DAB1: variants seen among roughly 807,000 people sequenced by gnomAD.
DAB1 encodes the protein DAB adaptor protein 1.
DAB1 carries 15 observed loss-of-function variants against 64.6 expected under a neutral mutation model. The observed-to-expected ratio is 0.23, with a 90% CI of 0.16 to 0.36. DAB1 has a LOEUF of 0.36. Among genes scored for constraint, DAB1 ranks in the 10% least tolerant of loss-of-function variants. The probability of loss-of-function intolerance (pLI) is 1.00; values close to 1 mark genes in which losing one functional copy is unlikely to be tolerated. For synonymous variants in DAB1, 235 were observed against 251.9 expected, an observed-to-expected ratio of 0.93 and a Z score of 0.64; for missense variants, 596 against 706.7, an observed-to-expected ratio of 0.84 and a Z score of 1.78.
At chr1:57,159,856 C>CAAAAAAAAAAAAAA (rs398049302) in intron 2 of DAB1, among the ~76,000 whole-genome samples, 61 of 86,336 alleles carry the variant, frequency 7.1e-4, no homozygotes, top group African/African-American at 2.0e-3. Flanking sequence ...AGCAGCAAGA[C>CAAAAAAAAAAAAAA]AAAAAAAAAA....
chr1:57,303,621 G>A (rs1673861981), intron 1 of DAB1, among the ~76,000 whole-genome samples: 1 of 152,124 alleles, frequency 6.6e-6, no homozygotes, highest in South Asian at 2.1e-4. Context: ...GAAGTTGTGA[G>A]TTAGCAGAAG....
intron 6 of DAB1, among the ~76,000 whole-genome samples, chr1:57,782,527 A>T (rs1314657134): frequency 6.6e-6 from 1 of 152,194 alleles, no homozygotes; most frequent in Non-Finnish European, 1.5e-5. Context: ...TTATGTTATC[A>T]TCTATGCCAA....
chr1:57,801,640 C>T (rs996561136), intron 6 of DAB1, among the ~76,000 whole-genome samples: 4 of 151,976 alleles, frequency 2.6e-5, no homozygotes, highest in African/African-American at 9.7e-5. Context: ...GCATGGGGAG[C>T]CCAGGGAATT....
intron 7 of DAB1, among the ~76,000 whole-genome samples, chr1:57,634,171 A>T (rs968336190): frequency 1.3e-5 from 2 of 152,218 alleles, no homozygotes; most frequent in Non-Finnish European, 2.9e-5. Context: ...GACCTTGAAG[A>T]GTTAACATCT....
chr1:57,648,341 T>C (rs533776433), intron 7 of DAB1, among the ~76,000 whole-genome samples: 2 of 152,280 alleles, frequency 1.3e-5, no homozygotes, highest in South Asian at 2.1e-4. Context: ...CTCATTGAAC[T>C]CTATTCATTA....
rs1343647736 is a variant in DAB1, at chr1:58,378,167, T to A, written n.258-34764A>T. Reference sequence around the variant, plus strand: ...AGAGTAATTTGATCGTCTGAAGCCTTCTTCTCTCAGCTTGTCAAAATCATT... The same window carrying A: ...AGAGTAATTTGATCGTCTGAAGCCTACTTCTCTCAGCTTGTCAAAATCATT... On this transcript the variant is annotated intron_variant and non_coding_transcript_variant, in intron 3 of 20. Transcript: ENST00000485760. Among the ~76,000 whole-genome samples, 152 of 122,682 alleles carry A rather than the reference T, an allele frequency of 1.2e-3. 22 individuals are homozygous for A. The highest frequency in any genetic ancestry group is 4.9e-3 in the African/African-American group (149 of 30,392). The allele number at this position is 122,682 out of a possible 152,430, so 80.5% of individuals were successfully genotyped here. A position where few individuals can be genotyped will look rare whatever the true frequency, so the allele number is the denominator to read the frequency against.
intron 5 of DAB1, among the ~76,000 whole-genome samples, chr1:58,101,680 C>T (rs76908886): frequency 1.3e-5 from 2 of 152,308 alleles, no homozygotes; most frequent in Non-Finnish European, 2.9e-5. Flanking sequence ...GACTTAGGGC[C>T]AGTCACTTTT....
intron 7 of DAB1, among the ~76,000 whole-genome samples, chr1:57,560,458 C>T (rs1645037390): frequency 6.6e-6 from 1 of 152,170 alleles, no homozygotes; most frequent in African/African-American, 2.4e-5. Context: ...TGGTGTGGGG[C>T]CTGTTGAGAT....
intron 3 of DAB1, among the ~76,000 whole-genome samples, chr1:58,358,821 CTCTT>C (rs751282548): frequency 2.0e-4 from 31 of 152,176 alleles, no homozygotes; most frequent in Non-Finnish European, 3.5e-4. Context: ...TTTCTTCTCT[CTCTT>C]TCTGTCTTTC....
intron 2 of DAB1, among the ~76,000 whole-genome samples, chr1:57,194,063 A>G (rs867904817): frequency 1.3e-5 from 2 of 152,338 alleles, no homozygotes; most frequent in Middle Eastern, 6.8e-3. Flanking sequence ...CTAGCTCAAT[A>G]TCTGGGAACA....
chr1:57,561,884 C>T (rs1316575209), intron 7 of DAB1, among the ~76,000 whole-genome samples: 2 of 152,316 alleles, frequency 1.3e-5, no homozygotes, highest in African/African-American at 4.8e-5. Flanking sequence ...TTGATTATAT[C>T]AGACCTCTTC....
intron 4 of DAB1, among the ~76,000 whole-genome samples, chr1:57,128,150 T>C (rs1392549990): frequency 2.7e-5 from 3 of 112,832 alleles, no homozygotes; most frequent in South Asian, 3.0e-4. Flanking sequence ...TCTCAAAAAA[T>C]AAAAATAAAT....
At chr1:57,805,762 A>C (rs1651332320) in intron 6 of DAB1, among the ~76,000 whole-genome samples, 1 of 152,092 alleles carries the variant, frequency 6.6e-6, no homozygotes, top group Non-Finnish European at 1.5e-5. Context: ...TGGCAACTCC[A>C]CCTTTCCATT....
At chr1:57,098,619 T>C (rs540526168) in intron 4 of DAB1, among the ~76,000 whole-genome samples, 19 of 152,340 alleles carry the variant, frequency 1.2e-4, no homozygotes, top group African/African-American at 4.6e-4. Context: ...CTCTGATTTA[T>C]CATGCATACA....
intron 1 of DAB1, among the ~76,000 whole-genome samples, chr1:57,870,124 G>A (rs1005915437): frequency 8.6e-5 from 13 of 152,034 alleles, no homozygotes; most frequent in Admixed American, 6.6e-5. Context: ...TACCTTGCAG[G>A]TTTGATATGA....
intron 3 of DAB1, among the ~76,000 whole-genome samples, chr1:58,447,548 A>AC (rs1168251248): frequency 1.3e-5 from 2 of 152,194 alleles, no homozygotes; most frequent in Non-Finnish European, 2.9e-5. Context: ...CAAAAGAAAC[A>AC]CTGCCAGCCT....
At chr1:57,364,762 C>T (rs553422935) in intron 1 of DAB1, among the ~76,000 whole-genome samples, 2 of 150,746 alleles carry the variant, frequency 1.3e-5, no homozygotes, top group African/African-American at 2.4e-5. Context: ...ATCAAAGTCA[C>T]GAGAAGAAGT....
At chr1:58,239,296 T>G (rs1262989375) in intron 4 of DAB1, among the ~76,000 whole-genome samples, 2 of 152,220 alleles carry the variant, frequency 1.3e-5, no homozygotes, top group Non-Finnish European at 2.9e-5. Flanking sequence ...ACAACCTAAA[T>G]TCTTCAATCA....
At chr1:57,449,081 G>A (rs888327199) in intron 7 of DAB1, among the ~76,000 whole-genome samples, 3 of 152,048 alleles carry the variant, frequency 2.0e-5, no homozygotes, top group Non-Finnish European at 4.4e-5. Flanking sequence ...GGCTATGACC[G>A]AGTATCAGGA....
Sources: allele counts gnomAD v4.1 joint callset (sites outside exome capture counted in the v4.1 genomes callset), GRCh38; gene constraint gnomAD v4.1.1; transcripts MANE v1.5; gene names NCBI Gene and HGNC (gene_info 2026-07-23, HGNC 2026-07-21).